USP31: variants seen among roughly 807,000 people sequenced by gnomAD.
The protein encoded by USP31 is ubiquitin carboxyl-terminal hydrolase 31.
In USP31, 44 loss-of-function variants were observed where a neutral mutation model predicts 119.4. The observed-to-expected ratio is 0.37, with a 90% CI of 0.29 to 0.47. USP31 has a LOEUF of 0.47. Among genes scored for constraint, USP31 ranks in the 20% least tolerant of loss-of-function variants. USP31 has a pLI of 0.99. For synonymous variants in USP31, 749 were observed against 705.6 expected, an observed-to-expected ratio of 1.06 and a Z score of -0.97; for missense variants, 1,643 against 1,730.2, an observed-to-expected ratio of 0.95 and a Z score of 0.89.
At chr16:23,116,174 C>G (rs1902479330) in intron 1 of USP31, among the ~76,000 whole-genome samples, 2 of 152,060 alleles carry the variant, frequency 1.3e-5, no homozygotes. Flanking sequence ...CCAGAAGAAA[C>G]ACAAAATTTG....
At chr16:23,094,887 C>A (rs1223097184) in intron 6 of USP31, among the ~76,000 whole-genome samples, 1 of 152,200 alleles carries the variant, frequency 6.6e-6, no homozygotes, top group Non-Finnish European at 1.5e-5. Context: ...GATAAAACCA[C>A]AAAGATGGGG....
intron 1 of USP31, among the ~76,000 whole-genome samples, chr16:23,125,973 C>T: frequency 6.6e-6 from 1 of 152,038 alleles, no homozygotes; most frequent in East Asian, 1.9e-4. Flanking sequence ...CATTCATTTG[C>T]TCATGAATAT....
At chr16:23,077,291 T>A (rs981460999) in intron 13 of USP31, among the ~76,000 whole-genome samples, 36 of 152,078 alleles carry the variant, frequency 2.4e-4, no homozygotes, top group African/African-American at 8.7e-4. Flanking sequence ...CATTTAAATA[T>A]TTAAAGAACT....
rs113334177 is a variant in USP31 at position 23,078,466 on chromosome 16, C to A, written c.2176+1480G>T. 6.0e-3 allele frequency among the ~76,000 whole-genome samples: 920 copies of A among 152,264 alleles called. 7 individuals carry two copies. Among genetic ancestry groups the A allele is most frequent in the African/African-American group, 0.021 (868 of 41,548 alleles). ...GCTTCTGAATTTGTGACCTGTCTATCCACCCCACTCTAGCCCATGAGGTGA... is the reference window on the plus strand; with the variant it reads ...GCTTCTGAATTTGTGACCTGTCTATACACCCCACTCTAGCCCATGAGGTGA... On this transcript the variant is annotated intron_variant, in intron 13 of 15. Transcript: ENST00000219689.
At chr16:23,101,604 T>C (rs952151260) in intron 6 of USP31, among the ~76,000 whole-genome samples, 4 of 151,850 alleles carry the variant, frequency 2.6e-5, no homozygotes, top group Admixed American at 2.0e-4. Flanking sequence ...CGGTGTGGAG[T>C]AGGGACCAAG....
intron 13 of USP31, among the ~76,000 whole-genome samples, chr16:23,075,041 T>C (rs568873387): frequency 6.6e-6 from 1 of 152,186 alleles, no homozygotes; most frequent in East Asian, 1.9e-4. Flanking sequence ...TCCGCAAGTA[T>C]GGAGACTTAA....
chr16:23,148,917 A>AGCGGGCGGCGCGGGAGAG lies in USP31; in HGVS notation c.336_353dup (p.Ser113_Ala118dup), dbSNP rs1218176866. 142 of 1,336,984 alleles carry AGCGGGCGGCGCGGGAGAG rather than the reference A, an allele frequency of 1.1e-4. No individual in the cohort carries two copies. In the South Asian group the frequency reaches 1.2e-3, roughly 11 times the overall value. The allele number at this position is 1,336,984 out of a possible 1,614,324, so 82.8% of individuals were successfully genotyped here. Reference sequence around the variant, plus strand: ...CGCCGGGCACCGGCTCGGCGGCGCAAGCGGGCGGCGCGGGAGAGGCGGGCG... The same window carrying AGCGGGCGGCGCGGGAGAG: ...CGCCGGGCACCGGCTCGGCGGCGCAAGCGGGCGGCGCGGGAGAGGCGGGCGGCGCGGGAGAGGCGGGCG... On this transcript the variant is annotated inframe_insertion, in exon 1 of 16. Transcript: ENST00000219689.
At chr16:23,123,558 A>T (rs994202917) in intron 1 of USP31, among the ~76,000 whole-genome samples, 5 of 152,056 alleles carry the variant, frequency 3.3e-5, no homozygotes, top group African/African-American at 7.2e-5. Context: ...ATAAATAAAT[A>T]AAATAAAAAA....
intron 6 of USP31, among the ~76,000 whole-genome samples, chr16:23,094,204 T>TGGCTCGGTGGGTCCCATGCCC (rs1901499995): frequency 1.3e-5 from 2 of 152,140 alleles, no homozygotes; most frequent in Non-Finnish European, 2.9e-5. Context: ...CTCCCATGCC[T>TGGCTCGGTGGGTCCCATGCCC]GGCTCGGTGG....
At chr16:23,106,526 G>C in intron 2 of USP31, 39 bp from the exon 3 acceptor site, 1 of 1,552,222 alleles carries the variant, frequency 6.4e-7, no homozygotes, top group Non-Finnish European at 8.7e-7. Context: ...AGACTAGAAA[G>C]ACCAATTCTT....
At chr16:23,138,497 G>A (rs1474754993) in intron 1 of USP31, among the ~76,000 whole-genome samples, 4 of 151,958 alleles carry the variant, frequency 2.6e-5, no homozygotes, top group Non-Finnish European at 4.4e-5. Flanking sequence ...AAAAATAAAA[G>A]AAAAAAGACA....
At chr16:23,143,616 C>T (rs922641818) in intron 1 of USP31, among the ~76,000 whole-genome samples, 2 of 150,752 alleles carry the variant, frequency 1.3e-5, no homozygotes, top group South Asian at 2.1e-4. Flanking sequence ...AAAGAGAGAG[C>T]GCGAGAGATA....
intron 1 of USP31, among the ~76,000 whole-genome samples, chr16:23,119,944 T>C (rs1902613628): frequency 6.6e-6 from 1 of 152,194 alleles, no homozygotes; most frequent in Non-Finnish European, 1.5e-5. Context: ...TGGAGATTAA[T>C]TCCACCAATA....
In USP31 at chr16:23,072,100, G is replaced by A; in HGVS notation, c.2433C>T (p.Ser811=). Residue 811 remains serine (S), a synonymous_variant, in exon 15 of 16, where the codon TCC becomes TCT. Transcript: ENST00000219689. The stretch of plus-strand genomic sequence containing the variant: ...CCACGGACTCAGAGAGCGACGCCAG[G>A]GAGGTGCGTCTGGAGGAAGCTGCAG... ...VTSAASSRRT[S]LASLSESVEM... 6.2e-7 allele frequency: 1 copy of A among 1,613,726 alleles called. No homozygotes were observed.
chr16:23,133,254 C>T (rs1339151905), intron 1 of USP31, among the ~76,000 whole-genome samples: 1 of 152,160 alleles, frequency 6.6e-6, no homozygotes, highest in African/African-American at 2.4e-5. Context: ...TGAGGTCTGA[C>T]CCAAGCCCAC....
Position 23,068,849 on chromosome 16 carries a change from G to T in USP31, c.3256C>A (p.Arg1086=). 1 of 1,571,796 alleles carries T rather than the reference G, an allele frequency of 6.4e-7. No individual in the cohort carries two copies. Among genetic ancestry groups the T allele is most frequent in the Non-Finnish European group, 8.6e-7 (1 of 1,160,654 alleles). Residue 1086 remains arginine (R), a synonymous_variant, in exon 16 of 16, where the codon CGG becomes AGG. Coordinates refer to ENST00000219689, the MANE Select transcript of USP31 (RefSeq NM_020718.4). ...KADSSSRGSG[R]HSSPAPAQPK... ...TGGGCAGGGGCAGGGGATGAATGCC[G>T]TCCACTGCCCCTGGAAGAAGAATCT...
At chr16:23,077,848 G>A (rs1330049110) in intron 13 of USP31, among the ~76,000 whole-genome samples, 1 of 151,962 alleles carries the variant, frequency 6.6e-6, no homozygotes, top group East Asian at 1.9e-4. Flanking sequence ...CCATTTCCAA[G>A]ACTCAATCTC....
chr16:23,087,192 T>C lies in USP31; in HGVS notation c.1528-6A>G, dbSNP rs767636551. The stretch of plus-strand genomic sequence containing the variant: ...CGCAAGCTGAATGGACACACCTGCA[T>C]CAGATGTTAGATGAGAATTAAGCCA... On this transcript the variant is annotated splice_polypyrimidine_tract_variant and splice_region_variant and intron_variant, in intron 8 of 15. Coordinates refer to ENST00000219689, the MANE Select transcript of USP31 (RefSeq NM_020718.4). 6.2e-6 allele frequency: 10 copies of C among 1,608,884 alleles called. No homozygotes were observed. Among genetic ancestry groups the C allele is most frequent in the Non-Finnish European group, 8.5e-6 (10 of 1,178,544 alleles).
rs1226361326 is a variant in USP31, at chr16:23,096,655, A to G, written c.1234+5664T>C. ...ACAACAAACTTGTCTCTCAGACCAC[A>G]GTGCAATCAAATTAGAACTCAGGAT... is the stretch of plus-strand genomic sequence containing the variant. On this transcript the variant is annotated intron_variant, in intron 6 of 15. Transcript: ENST00000219689. Among the ~76,000 whole-genome samples the G allele has an allele frequency of 2.0e-5, 3 of 152,350 alleles. No homozygotes were observed. The East Asian group carries it at 5.8e-4, about 29-fold the overall frequency.
Sources: gnomAD v4.1 joint callset for allele counts (sites outside exome capture counted in the v4.1 genomes callset) on GRCh38, gnomAD v4.1.1 for gene constraint, MANE v1.5 for transcripts, NCBI Gene and HGNC (gene_info 2026-07-23, HGNC 2026-07-21) for gene names.